Variants in PHC3 observed in about 807,000 individuals in gnomAD.
PHC3 encodes the protein polyhomeotic homolog 3, also known as polyhomeotic-like protein 3.
PHC3 carries 13 observed loss-of-function variants against 107.4 expected under a neutral mutation model. The ratio of observed to expected loss-of-function variants is 0.12; its 90% CI spans 0.08 to 0.19. The LOEUF (loss-of-function observed/expected upper bound fraction) is 0.19. Ranked by LOEUF, PHC3 falls within the 10% of genes least tolerant of loss-of-function variation. PHC3 has a pLI of 1.00. For missense variants in PHC3, 992 were observed against 1,210.9 expected, an observed-to-expected ratio of 0.82 and a Z score of 2.68; for synonymous variants, 456 against 427.4, an observed-to-expected ratio of 1.07 and a Z score of -0.83.
intron 8 of PHC3, among the ~76,000 whole-genome samples, chr3:170,123,704 C>A (rs1216377033): frequency 6.6e-6 from 1 of 151,104 alleles, no homozygotes; most frequent in Admixed American, 6.6e-5. Context: ...GAATCAAGAA[C>A]ATCACTTGAA....
chr3:170,111,309 GGAAGGAAGGAAC>G (rs1485298452), intron 11 of PHC3, among the ~76,000 whole-genome samples: 1,514 of 97,890 alleles, frequency 0.015, 30 homozygotes, highest in Middle Eastern at 0.036. Context: ...AAGGAAGGAA[GGAAGGAAGGAAC>G]GAACGAACGA....
chr3:170,172,791 T>C, intron 2 of PHC3, 79 bp from the exon 3 acceptor site: 1 of 1,491,860 alleles, frequency 6.7e-7, no homozygotes, highest in Non-Finnish European at 9.0e-7. Context: ...TATAAAAAAG[T>C]GGCAGTTTAA....
chr3:170,169,512 A>C (rs1266171350), intron 4 of PHC3, among the ~76,000 whole-genome samples: 1 of 152,240 alleles, frequency 6.6e-6, no homozygotes. Context: ...AATAAAGCAA[A>C]TGTAATGTAT....
chr3:170,127,710 T>C (rs1721573966), intron 8 of PHC3, among the ~76,000 whole-genome samples: 1 of 152,224 alleles, frequency 6.6e-6, no homozygotes, highest in Admixed American at 6.5e-5. Flanking sequence ...TAAAATCTCT[T>C]GGATGAGGTG....
chr3:170,108,058 C>T (rs1366267844), intron 11 of PHC3, among the ~76,000 whole-genome samples: 2 of 152,110 alleles, frequency 1.3e-5, no homozygotes, highest in African/African-American at 4.8e-5. Context: ...CATGTAATAG[C>T]GCTCAAGAAA....
chr3:170,178,019 G>A (rs528738492), intron 2 of PHC3, among the ~76,000 whole-genome samples: 1 of 152,126 alleles, frequency 6.6e-6, no homozygotes, highest in South Asian at 2.1e-4. Context: ...GTGGTTAAAT[G>A]TGTCCCCCAA....
At chr3:170,116,072 A>G (rs939490838) in intron 10 of PHC3, among the ~76,000 whole-genome samples, 2 of 152,182 alleles carry the variant, frequency 1.3e-5, no homozygotes, top group Admixed American at 1.3e-4. Flanking sequence ...TTATCTCTAG[A>G]TATTAGCATA....
Position 170,136,680 on chromosome 3 carries a change from A to G in PHC3, c.673-15T>C, listed in dbSNP as rs780169694. On this transcript the variant is annotated splice_polypyrimidine_tract_variant and intron_variant, in intron 6 of 14. Coordinates refer to ENST00000495893, the MANE Select transcript of PHC3 (RefSeq NM_024947.4). ...AAATTCTGAACCTAAGAACCACATA[A>G]CAGAAAATTAGGATGAAAACAGATG... 6 of 1,610,558 alleles carry G rather than the reference A, an allele frequency of 3.7e-6. No homozygotes were observed. In the Admixed American group the frequency reaches 1.0e-4, roughly 27 times the overall value.
intron 4 of PHC3, among the ~76,000 whole-genome samples, chr3:170,155,907 T>A (rs1726824177): frequency 6.6e-6 from 1 of 152,222 alleles, no homozygotes; most frequent in African/African-American, 2.4e-5. Context: ...AATCCGGGAT[T>A]ACTTTTTTTA....
At chr3:170,126,530 T>TATATA (rs1560059403) in intron 8 of PHC3, among the ~76,000 whole-genome samples, 16 of 72,876 alleles carry the variant, frequency 2.2e-4, no homozygotes, top group East Asian at 5.9e-4. Context: ...ATATATATAT[T>TATATA]TTTTTTTTTT....
chr3:170,152,922 A>G (rs535433324), intron 4 of PHC3, among the ~76,000 whole-genome samples: 8 of 152,200 alleles, frequency 5.3e-5, no homozygotes, highest in Non-Finnish European at 1.0e-4. Context: ...TCAGCCTCCC[A>G]AAGTGCTGGG....
At chr3:170,161,778 G>T (rs1260074624) in intron 4 of PHC3, among the ~76,000 whole-genome samples, 2 of 152,194 alleles carry the variant, frequency 1.3e-5, no homozygotes, top group Non-Finnish European at 2.9e-5. Context: ...CCTGGCTTGT[G>T]GACTGCCACC....
In PHC3 at chr3:170,152,861, CATGT is replaced by C. The variant is rs575768703; in HGVS notation, c.415-3621_415-3618del. Among the ~76,000 whole-genome samples, 1,240 of 151,954 alleles carry C rather than the reference CATGT, an allele frequency of 8.2e-3. 18 individuals carry two copies. Among genetic ancestry groups the C allele is most frequent in the African/African-American group, 0.028 (1,175 of 41,416 alleles). ...ATTTTTTGTAGAGACAGGGTTTCAT[CATGT>C]TGCCCAAGCTTGCCTCAAACTCCTG... is the stretch of plus-strand genomic sequence containing the variant. On this transcript the variant is annotated intron_variant, in intron 4 of 14. Coordinates refer to ENST00000495893, the MANE Select transcript of PHC3 (RefSeq NM_024947.4).
At chr3:170,174,781 T>C (rs1371071480) in intron 2 of PHC3, among the ~76,000 whole-genome samples, 1 of 152,212 alleles carries the variant, frequency 6.6e-6, no homozygotes, top group East Asian at 1.9e-4. Flanking sequence ...TGTCACAAAA[T>C]CAATGGGAGC....
chr3:170,172,362 A>G (rs962788604), intron 3 of PHC3, among the ~76,000 whole-genome samples, 195 bp downstream of exon 3: 1 of 145,548 alleles, frequency 6.9e-6, no homozygotes, highest in Non-Finnish European at 1.5e-5. Flanking sequence ...AAAAGCTAGA[A>G]ACAGAGTAAC....
rs373115706 is a variant in PHC3 at position 170,129,349 on chromosome 3, C to G, written c.1123G>C (p.Ala375Pro). 6.2e-7 allele frequency: 1 copy of G among 1,613,816 alleles called. No individual in the cohort carries two copies. Among genetic ancestry groups the G allele is most frequent in the Non-Finnish European group, 8.5e-7 (1 of 1,179,828 alleles). The part of the protein sequence containing the change: ...IPLQNHGLPP[A>P]PSNAQSQHCS... ...TGCTGTGACTGGGCATTACTGGGAG[C>G]TGGAGGAAGGCCATGGTTCTGGAGT... The change falls in exon 8 of 15, where the codon GCT becomes CCT. Residue 375 changes from alanine (A) to proline (P), a missense_variant. Ala to Pro is a conservative substitution (Grantham distance 27, BLOSUM62 -1). Around this residue, in one of 6 missense-constraint regions of PHC3, gnomAD observed 543 missense variants for 590.8 expected, o/e 0.92. Transcript: ENST00000495893.
chr3:170,101,097 G>A (rs549313196), intron 14 of PHC3, among the ~76,000 whole-genome samples: 2 of 152,302 alleles, frequency 1.3e-5, no homozygotes, highest in South Asian at 4.1e-4. Context: ...AAGACCCACT[G>A]TCTTCTAAAT....
chr3:170,149,438 T>C (rs924114884), intron 4 of PHC3, among the ~76,000 whole-genome samples, 194 bp from the exon 5 acceptor site: 27 of 152,130 alleles, frequency 1.8e-4, no homozygotes, highest in African/African-American at 6.0e-4. Flanking sequence ...ATGGCATGGA[T>C]TGGTTAGTAA....
intron 1 of PHC3, among the ~76,000 whole-genome samples, chr3:170,179,214 CGAAA>C (rs1731006484): frequency 6.6e-6 from 1 of 151,938 alleles, no homozygotes; most frequent in African/African-American, 2.4e-5. Context: ...TTTGCATTAC[CGAAA>C]GATTTTTTTT....
Sources: allele counts gnomAD v4.1 joint callset (sites outside exome capture counted in the v4.1 genomes callset), GRCh38; gene constraint gnomAD v4.1.1; regional missense constraint gnomAD v4.1.1; transcripts MANE v1.5; gene names NCBI Gene and HGNC (gene_info 2026-07-23, HGNC 2026-07-21).